Variants in DYM observed in about 807,000 individuals in gnomAD.
DYM encodes dyggve-Melchior-Clausen syndrome protein.
DYM carries 78 observed loss-of-function variants against 93.1 expected under a neutral mutation model. The observed-to-expected ratio is 0.84, with a 90% CI of 0.70 to 1.01. The LOEUF (loss-of-function observed/expected upper bound fraction) is 1.01, where lower values mean the gene tolerates loss of function less well. Among genes scored for constraint, DYM ranks in the 50% least tolerant of loss-of-function variants. The pLI is 0.00. For missense variants in DYM, 789 were observed against 845.0 expected, an observed-to-expected ratio of 0.93 and a Z score of 0.82; for synonymous variants, 321 against 319.7, an observed-to-expected ratio of 1.00 and a Z score of -0.04.
intron 3 of DYM, among the ~76,000 whole-genome samples, chr18:49,384,850 A>G (rs2068433481): frequency 6.6e-6 from 1 of 151,888 alleles, no homozygotes; most frequent in South Asian, 2.1e-4. Flanking sequence ...CAGAGATCCA[A>G]CCTGAACATT....
rs78340428 is a variant in DYM at position 49,170,859 on chromosome 18, G to A, written c.1626-7072C>T. ...AAAGGGTGAACAGAGGCCAGAAAGGGTCACTTAAATAAGAAGTAGGAGAAG... is the reference window on the plus strand; with the variant it reads ...AAAGGGTGAACAGAGGCCAGAAAGGATCACTTAAATAAGAAGTAGGAGAAG... On this transcript the variant is annotated intron_variant, in intron 14 of 17. Transcript: ENST00000675505. Among the ~76,000 whole-genome samples, 69 of 150,802 alleles carry A rather than the reference G, an allele frequency of 4.6e-4. 1 individual carries two copies. In the East Asian group the frequency reaches 0.011, roughly 25 times the overall value.
intron 13 of DYM, among the ~76,000 whole-genome samples, chr18:49,221,552 T>C (rs1213450328): frequency 6.6e-6 from 1 of 152,156 alleles, no homozygotes; most frequent in Non-Finnish European, 1.5e-5. Context: ...GTGGCACATA[T>C]ACACCATGGA....
chr18:49,138,105 G>A (rs977892659), intron 15 of DYM, among the ~76,000 whole-genome samples: 3 of 152,030 alleles, frequency 2.0e-5, no homozygotes, highest in African/African-American at 7.2e-5. Context: ...CTTTTTTTAT[G>A]TATGTGATTT....
At chr18:49,376,513 T>C (rs539047434) in intron 5 of DYM, among the ~76,000 whole-genome samples, 14 of 152,322 alleles carry the variant, frequency 9.2e-5, no homozygotes, top group African/African-American at 3.4e-4. Flanking sequence ...CTGCAGCAAA[T>C]TCCATTTAGT....
chr18:49,119,665 G>C (rs190764621), intron 15 of DYM, among the ~76,000 whole-genome samples: 2 of 152,090 alleles, frequency 1.3e-5, no homozygotes, highest in African/African-American at 4.8e-5. Flanking sequence ...GTGGTTAAGG[G>C]ATTTAAAAGG....
At chr18:49,324,708 G>A (rs2062764110) in intron 8 of DYM, among the ~76,000 whole-genome samples, 1 of 152,082 alleles carries the variant, frequency 6.6e-6, no homozygotes, top group African/African-American at 2.4e-5. Context: ...AGGATTTTCT[G>A]ATCATTAGCT....
At chr18:49,073,715 G>A (rs531835503) in intron 17 of DYM, among the ~76,000 whole-genome samples, 34 of 152,294 alleles carry the variant, frequency 2.2e-4, no homozygotes, top group Admixed American at 3.9e-4. Context: ...TTCACCCACC[G>A]ATAATAACCA....
intron 13 of DYM, among the ~76,000 whole-genome samples, chr18:49,248,093 TTCTATC>T (rs1351585835): frequency 6.6e-6 from 1 of 152,238 alleles, no homozygotes; most frequent in Non-Finnish European, 1.5e-5. Flanking sequence ...AGCAAGCTAA[TTCTATC>T]TTTTAAAAAA....
At chr18:49,406,389 C>T (rs1442400566) in intron 2 of DYM, among the ~76,000 whole-genome samples, 2 of 151,902 alleles carry the variant, frequency 1.3e-5, no homozygotes, top group Non-Finnish European at 2.9e-5. Context: ...GGTGAAACCC[C>T]GTCTCTACTA....
intron 15 of DYM, among the ~76,000 whole-genome samples, chr18:49,134,432 C>T (rs988641817): frequency 6.6e-6 from 1 of 152,126 alleles, no homozygotes; most frequent in African/African-American, 2.4e-5. Flanking sequence ...ATTTTTTGAA[C>T]TGTTAGTGAA....
intron 10 of DYM, among the ~76,000 whole-genome samples, chr18:49,275,533 C>G (rs760369891): frequency 1.3e-5 from 2 of 152,120 alleles, no homozygotes. Flanking sequence ...AGGTATTGTG[C>G]TCAATGTGTA....
intron 8 of DYM, among the ~76,000 whole-genome samples, chr18:49,292,499 G>A (rs1217256636): frequency 6.8e-6 from 1 of 147,600 alleles, no homozygotes; most frequent in African/African-American, 2.5e-5. Context: ...CATAATACTG[G>A]ACAAAGATTC....
At chr18:49,200,588 ATTC>A (rs1048850970) in intron 14 of DYM, among the ~76,000 whole-genome samples, 8 of 151,900 alleles carry the variant, frequency 5.3e-5, no homozygotes, top group African/African-American at 1.9e-4. Flanking sequence ...TTATTTGACC[ATTC>A]TTCTATTTTG....
intron 15 of DYM, among the ~76,000 whole-genome samples, chr18:49,154,842 T>C (rs2086219038): frequency 6.6e-6 from 1 of 152,260 alleles, no homozygotes; most frequent in African/African-American, 2.4e-5. Flanking sequence ...TCTTTTTTCT[T>C]TGAGATCTTT....
At chr18:49,315,780 C>G (rs1230203740) in intron 8 of DYM, among the ~76,000 whole-genome samples, 1 of 152,062 alleles carries the variant, frequency 6.6e-6, no homozygotes, top group Non-Finnish European at 1.5e-5. Flanking sequence ...TACCAAAATA[C>G]TCATATAATC....
intron 3 of DYM, among the ~76,000 whole-genome samples, chr18:49,385,866 A>AC (rs2068562844): frequency 6.6e-6 from 1 of 151,770 alleles, no homozygotes; most frequent in African/African-American, 2.4e-5. Flanking sequence ...AGAGTGTGAG[A>AC]CCCTATTCCT....
chr18:49,318,803 T>C lies in DYM; in HGVS notation c.763+13061A>G, dbSNP rs1051473163. On this transcript the variant is annotated intron_variant, in intron 8 of 17. Coordinates refer to ENST00000675505, the MANE Select transcript of DYM (RefSeq NM_001353214.3). ...GGTAACATTATTTCTTTTTCTTTTT[T>C]TTTTTTTTTTTTTTTGAGACAGAGT... Among the ~76,000 whole-genome samples the C allele has an allele frequency of 3.0e-4, 40 of 134,726 alleles. 1 individual carries two copies. Among genetic ancestry groups the C allele is most frequent in the East Asian group, 2.7e-3 (13 of 4,836 alleles). 88.4% of individuals were successfully genotyped at this position (134,726 alleles called of 152,430 possible).
At chr18:49,234,967 A>T (rs1002729873) in intron 13 of DYM, among the ~76,000 whole-genome samples, 1 of 151,998 alleles carries the variant, frequency 6.6e-6, no homozygotes, top group Non-Finnish European at 1.5e-5. Flanking sequence ...GCAAGGGGGA[A>T]CTCAGTTCTA....
chr18:49,216,294 T>A (rs1235696200), intron 13 of DYM, among the ~76,000 whole-genome samples: 1 of 152,206 alleles, frequency 6.6e-6, no homozygotes, highest in Non-Finnish European at 1.5e-5. Flanking sequence ...GAGGCCTGCC[T>A]GCCTTTGTAG....
Sources: allele counts gnomAD v4.1 joint callset (sites outside exome capture counted in the v4.1 genomes callset), GRCh38; gene constraint gnomAD v4.1.1; transcripts MANE v1.5; gene names NCBI Gene and HGNC (gene_info 2026-07-23, HGNC 2026-07-21).